Variants in WASHC1 observed in about 807,000 individuals in gnomAD.
The protein encoded by WASHC1 is WASH complex subunit 1.
WASHC1 carries 11 observed loss-of-function variants against 26.1 expected under a neutral mutation model. The observed-to-expected ratio is 0.42, with a 90% confidence interval of 0.27 to 0.70. WASHC1 has a LOEUF of 0.70. WASHC1 is among the 30% of genes least tolerant of loss of function. WASHC1 has a pLI of 0.24. For missense variants in WASHC1, 96 were observed against 304.9 expected, an observed-to-expected ratio of 0.31 and a Z score of 5.10; for synonymous variants, 37 against 126.6, an observed-to-expected ratio of 0.29 and a Z score of 4.75.
exon 7 of WASHC1, chr9:17,064 A>T: frequency 6.8e-7 from 1 of 1,477,644 alleles, no homozygotes; most frequent in Non-Finnish European, 8.9e-7. Flanking sequence ...TCGGCACTGT[A>T]CATGAGGTCG....
At chr9:15,254 T>G (rs1198348973) in intron 9 of WASHC1, 105 bp from the exon 10 acceptor site, 5 of 322,518 alleles carry the variant, frequency 1.6e-5, no homozygotes, top group South Asian at 2.5e-5. Flanking sequence ...AAGGCCACTG[T>G]GTTTCCTAGT....
At chr9:14,655 C>G in exon 11 of WASHC1, 1 of 1,230,274 alleles carries the variant, frequency 8.1e-7, no homozygotes, top group Non-Finnish European at 1.1e-6. Context: ...TGGCCTCAAG[C>G]CAGCCTTCCG....
rs751983014 is a variant in WASHC1, at chr9:15,921, CCTT to C, written c.1180_1182del (p.Lys394del). On this transcript the variant is annotated inframe_deletion, in exon 9 of 11. Coordinates refer to ENST00000442898, the Ensembl canonical transcript of WASHC1. ...AGGGCCCGCTCACCTTGCTCCTGCT[CCTT>C]CTGCTGCTGCTTCTCCAGCTTTCGC... is the stretch of plus-strand genomic sequence containing the variant. 7 of 1,414,836 alleles carry C rather than the reference CCTT, an allele frequency of 4.9e-6. No individual in the cohort carries two copies. The South Asian group carries it at 8.5e-5, about 17-fold the overall frequency. 87.6% of individuals were successfully genotyped at this position (1,414,836 alleles called of 1,614,324 possible). A position where few individuals can be genotyped will look rare whatever the true frequency, so the allele number is the denominator to read the frequency against.
intron 1 of WASHC1, among the ~76,000 whole-genome samples, chr9:26,014 G>C (rs1817335718): frequency 1.0e-5 from 1 of 99,804 alleles, no homozygotes; most frequent in East Asian, 3.5e-4. Context: ...CTGTGACCTT[G>C]AGTAAGTTGC....
At chr9:17,137 G>A (rs112936603) in exon 7 of WASHC1, 1 of 1,269,376 alleles carries the variant, frequency 7.9e-7, no homozygotes, top group African/African-American at 2.3e-5. Flanking sequence ...CCTGGCCCAG[G>A]TCTGGCACAT....
chr9:27,003 T>G, intron 1 of WASHC1, among the ~76,000 whole-genome samples: 5 of 85,894 alleles, frequency 5.8e-5, no homozygotes, highest in African/African-American at 1.8e-4. Context: ...CTGACCAACA[T>G]GGTGAAACTC....
chr9:17,000 G>A, exon 7 of WASHC1: 1 of 1,388,492 alleles, frequency 7.2e-7, no homozygotes, highest in Non-Finnish European at 9.5e-7. Context: ...AGTGTGGAAG[G>A]TGGGCAGTTC....
exon 11 of WASHC1, chr9:14,577 AGTGGCGCAGGCTGG>A (rs1815971886): frequency 1.4e-6 from 1 of 717,068 alleles, no homozygotes; most frequent in African/African-American, 1.8e-5. Flanking sequence ...TTAAGAACAC[AGTGGCGCAGGCTGG>A]GTGGAGCCGT....
intron 6 of WASHC1, 26 bp from the exon 7 acceptor site, chr9:17,192 A>T: frequency 1.6e-6 from 2 of 1,230,728 alleles, no homozygotes; most frequent in Middle Eastern, 5.7e-4. Context: ...GGGACATGTG[A>T]GAGGTGACAG....
intron 2 of WASHC1, among the ~76,000 whole-genome samples, chr9:21,876 A>AC (rs200237501): frequency 6.7e-6 from 1 of 149,340 alleles, no homozygotes; most frequent in Non-Finnish European, 1.5e-5. Flanking sequence ...ATGCAGAAGC[A>AC]CCCCCCTCCC....
chr9:22,400 A>G (rs1817063889), intron 2 of WASHC1, among the ~76,000 whole-genome samples: 1 of 134,140 alleles, frequency 7.5e-6, no homozygotes, highest in Admixed American at 7.0e-5. Flanking sequence ...GACCCAAAGA[A>G]GCAAACTGAC....
At chr9:28,716 T>G in intron 1 of WASHC1, 1 of 118,410 alleles carries the variant, frequency 8.4e-6, no homozygotes, top group Non-Finnish European at 1.7e-5. Flanking sequence ...TTTTTTTTTT[T>G]TGCATCTATG....
chr9:14,863 A>T lies in WASHC1; in HGVS notation c.1342T>A (p.Leu448Met). 1 of 1,206,820 alleles carries T rather than the reference A, an allele frequency of 8.3e-7. No individual in the cohort carries two copies. The highest frequency in any genetic ancestry group is 1.4e-5 in the South Asian group (1 of 73,868). 74.8% of individuals were successfully genotyped at this position (1,206,820 alleles called of 1,614,324 possible). The change falls in exon 11 of 11, where the codon TTG (leucine) becomes ATG (methionine). Residue 448 changes from leucine to methionine, a missense_variant. Physicochemically the swap from Leu to Met is conservative, Grantham distance 15. Coordinates refer to ENST00000442898, the Ensembl canonical transcript of WASHC1. ...GCCTGTGGCTGCTGCGGTGGCGGCAAAGGAGGGATGGAGTCTGACACGCGG... is the reference window on the plus strand; with the variant it reads ...GCCTGTGGCTGCTGCGGTGGCGGCATAGGAGGGATGGAGTCTGACACGCGG...
chr9:20,625 G>C lies in WASHC1; in HGVS notation c.150-2133C>G, dbSNP rs1412152795. On this transcript the variant is annotated intron_variant, in intron 2 of 10. Coordinates refer to ENST00000442898, the Ensembl canonical transcript of WASHC1. ...AGGCTCAGACAATTTTTAAAGGCCAGAGGGTAGACTGCAATCACCAAGATG... is the reference window on the plus strand; with the variant it reads ...AGGCTCAGACAATTTTTAAAGGCCACAGGGTAGACTGCAATCACCAAGATG... Among the ~76,000 whole-genome samples the C allele has an allele frequency of 2.3e-5, 2 of 87,290 alleles. 1 individual carries two copies. Among genetic ancestry groups the C allele is most frequent in the Non-Finnish European group, 4.0e-5 (2 of 49,468 alleles). The allele number at this position is 87,290 out of a possible 152,430, so 57.3% of individuals were successfully genotyped here.
Position 14,676 on chromosome 9 carries a change from C to T in WASHC1, c.*131G>A, listed in dbSNP as rs555126428. 1.6e-4 allele frequency: 186 copies of T among 1,195,100 alleles called. No homozygotes were observed. The South Asian group carries it at 2.4e-3, about 16-fold the overall frequency. 74.0% of individuals were successfully genotyped at this position (1,195,100 alleles called of 1,614,324 possible). A position where few individuals can be genotyped will look rare whatever the true frequency, so the allele number is the denominator to read the frequency against. ...CAAGCCAGCCTTCCGCTCCTTGAAG[C>T]TGGTCTCCACACACTGCTGGTTCCG... On this transcript the variant is annotated 3_prime_UTR_variant, in exon 11 of 11. Transcript: ENST00000442898.
At chr9:17,204 G>A in intron 6 of WASHC1, 38 bp from the exon 7 acceptor site, 1 of 1,154,140 alleles carries the variant, frequency 8.7e-7, no homozygotes. Flanking sequence ...AGGTGACAGG[G>A]ACCTGCAGGG....
At chr9:21,306 G>GGTGGC (rs1816878362) in intron 2 of WASHC1, among the ~76,000 whole-genome samples, 3 of 148,486 alleles carry the variant, frequency 2.0e-5, no homozygotes, top group Non-Finnish European at 4.5e-5. Context: ...GAGGAGGAGA[G>GGTGGC]GTGGCGGTGC....
intron 2 of WASHC1, among the ~76,000 whole-genome samples, chr9:21,675 A>G (rs1343780746): frequency 2.7e-3 from 351 of 132,210 alleles, no homozygotes; most frequent in East Asian, 8.1e-3. Flanking sequence ...CACTCATCCC[A>G]ACTCTTCACT....
At position 17,109 on chromosome 9, in the gene WASHC1, GA is replaced by G. The variant is rs1455441573; in HGVS notation, c.738del (p.Pro247HisfsTer42). 4.0e-6 allele frequency: 5 copies of G among 1,262,254 alleles called. 1 individual carries two copies. The African/African-American group carries it at 6.6e-5, about 17-fold the overall frequency. 78.2% of individuals were successfully genotyped at this position (1,262,254 alleles called of 1,614,324 possible). On this transcript the variant is annotated frameshift_variant, in exon 7 of 11. Coordinates refer to ENST00000442898, the Ensembl canonical transcript of WASHC1. LOFTEE classifies it high-confidence loss of function. ...CCGGGCAGGTCAGGCAGGTAGGATG[GA>G]ACATGGATCTCAGGCACCTGGCCCA...
Sources: gnomAD v4.1 joint callset for allele counts (sites outside exome capture counted in the v4.1 genomes callset) on GRCh38, gnomAD v4.1.1 for gene constraint, MANE v1.5 for transcripts, NCBI Gene and HGNC (gene_info 2026-07-23, HGNC 2026-07-21) for gene names.